The following CTNNA3 variants were observed in gnomAD, a reference collection of about 807,000 sequenced individuals.
CTNNA3 encodes the protein catenin alpha-3.
Under a neutral mutation model 95.7 loss-of-function variants are expected in CTNNA3, and 76 were observed. The ratio of observed to expected loss-of-function variants is 0.79; its 90% CI spans 0.66 to 0.96. The LOEUF (loss-of-function observed/expected upper bound fraction) is 0.96, where lower values mean the gene tolerates loss of function less well. CTNNA3 is among the 40% of genes least tolerant of loss of function. The pLI is 0.00. For missense variants in CTNNA3, 1,191 were observed against 1,089.8 expected (o/e 1.09, Z -1.31); for synonymous variants, 431 against 374.4 (o/e 1.15, Z -1.74).
chr10:66,585,515 G>A (rs1053570779), intron 10 of CTNNA3, among the ~76,000 whole-genome samples: 18 of 151,618 alleles, frequency 1.2e-4, no homozygotes, highest in African/African-American at 3.6e-4. Context: ...TGTAGTTGCC[G>A]AAATGTGTAG....
At position 67,656,130 on chromosome 10, in the gene CTNNA3, T is replaced by C. The variant is rs117534800; in HGVS notation, c.-5-8612A>G. ...CCAAGCCCCACCTCCATGTTTCCAG[T>C]GCAATAATTTGCTGGTATGTTTGGC... On this transcript the variant is annotated intron_variant, in intron 1 of 17. Transcript: ENST00000433211. 1.3e-4 allele frequency among the ~76,000 whole-genome samples: 20 copies of C among 152,320 alleles called. No homozygotes were observed. In the East Asian group the frequency reaches 3.7e-3, roughly 28 times the overall value.
intron 10 of CTNNA3, among the ~76,000 whole-genome samples, chr10:66,556,427 C>T (rs916262725): frequency 6.6e-6 from 1 of 152,008 alleles, no homozygotes; most frequent in African/African-American, 2.4e-5. Context: ...TTTATTGCAA[C>T]TTTATTCACA....
At chr10:66,550,074 C>A (rs1031179378) in intron 10 of CTNNA3, among the ~76,000 whole-genome samples, 7 of 152,072 alleles carry the variant, frequency 4.6e-5, no homozygotes, top group African/African-American at 1.2e-4. Flanking sequence ...AATTGTCTAT[C>A]TCTTAAATTC....
At chr10:66,817,726 A>T (rs2132281744) in intron 7 of CTNNA3, among the ~76,000 whole-genome samples, 1 of 152,146 alleles carries the variant, frequency 6.6e-6, no homozygotes, top group Admixed American at 6.5e-5. Flanking sequence ...ATATTCAAAA[A>T]ATTAATACTA....
intron 7 of CTNNA3, among the ~76,000 whole-genome samples, chr10:67,163,694 C>A (rs1005548178): frequency 1.3e-5 from 2 of 151,854 alleles, no homozygotes; most frequent in Non-Finnish European, 2.9e-5. Flanking sequence ...TTCCTACTAT[C>A]TATACATGAC....
intron 12 of CTNNA3, among the ~76,000 whole-genome samples, chr10:66,298,522 C>A (rs1251229881): frequency 2.0e-5 from 3 of 152,000 alleles, no homozygotes; most frequent in African/African-American, 7.2e-5. Flanking sequence ...AAGAGAGTTA[C>A]AGTGGTTATA....
intron 3 of CTNNA3, among the ~76,000 whole-genome samples, chr10:67,545,154 T>C (rs963110611): frequency 6.6e-6 from 1 of 152,190 alleles, no homozygotes. Flanking sequence ...ATGTGCCATG[T>C]TGGTAAAATT....
At position 67,438,949 on chromosome 10, in the gene CTNNA3, C is replaced by G. The variant is rs543186846; in HGVS notation, c.579+82893G>C. On this transcript the variant is annotated intron_variant, in intron 5 of 17. Coordinates refer to ENST00000433211, the MANE Select transcript of CTNNA3 (RefSeq NM_013266.4). ...AACATCACCACTGCGGGCCAGAGAGCTCTGGGGTCCTTGGTAAGCTTTAAA... is the reference window on the plus strand; with the variant it reads ...AACATCACCACTGCGGGCCAGAGAGGTCTGGGGTCCTTGGTAAGCTTTAAA... Among the ~76,000 whole-genome samples the G allele has an allele frequency of 5.3e-5, 8 of 152,266 alleles. No individual in the cohort carries two copies. The South Asian group carries it at 1.7e-3, about 32-fold the overall frequency.
chr10:67,670,987 G>A (rs554265423), intron 1 of CTNNA3, among the ~76,000 whole-genome samples: 1 of 151,986 alleles, frequency 6.6e-6, no homozygotes, highest in South Asian at 2.1e-4. Context: ...TTGTTTGTTT[G>A]TTTGTTTTTT....
At chr10:66,593,657 T>G (rs757387332) in intron 10 of CTNNA3, among the ~76,000 whole-genome samples, 2 of 152,084 alleles carry the variant, frequency 1.3e-5, no homozygotes, top group Non-Finnish European at 2.9e-5. Context: ...TGAATCAAAG[T>G]GTTTTTATTA....
chr10:67,114,349 G>C (rs1859064067), intron 7 of CTNNA3, among the ~76,000 whole-genome samples: 1 of 152,094 alleles, frequency 6.6e-6, no homozygotes, highest in African/African-American at 2.4e-5. Flanking sequence ...TCTGTTCAAA[G>C]AGTAAAATGG....
intron 5 of CTNNA3, among the ~76,000 whole-genome samples, chr10:67,311,674 T>A (rs187565379): frequency 1.8e-3 from 281 of 152,228 alleles, no homozygotes; most frequent in Non-Finnish European, 3.1e-3. Context: ...TAAAGCACAC[T>A]CACAGACATA....
At chr10:66,743,939 G>A (rs912376927) in intron 9 of CTNNA3, among the ~76,000 whole-genome samples, 7 of 122,120 alleles carry the variant, frequency 5.7e-5, no homozygotes, top group Non-Finnish European at 1.1e-4. Flanking sequence ...TAGTGCCACT[G>A]CACTCCAGCC....
chr10:67,736,530 A>C (rs950657594), intron 1 of CTNNA3, among the ~76,000 whole-genome samples: 5 of 141,442 alleles, frequency 3.5e-5, no homozygotes, highest in Non-Finnish European at 7.5e-5. Flanking sequence ...TTCTCGGCTG[A>C]CTGCAATCTC....
chr10:67,186,305 C>A (rs1191313901), intron 6 of CTNNA3, among the ~76,000 whole-genome samples: 1 of 152,168 alleles, frequency 6.6e-6, no homozygotes, highest in Non-Finnish European at 1.5e-5. Context: ...GCTGTGATTT[C>A]ATGTTAGTAA....
In CTNNA3 at chr10:67,670,095, A is replaced by G. The variant is rs529929963; in HGVS notation, c.-5-22577T>C. Reference sequence around the variant, plus strand: ...AAACACAAACAAATGACACTAAGAAAAAATAGAAACCTCTGTGTCTTGTTC... The same window carrying G: ...AAACACAAACAAATGACACTAAGAAGAAATAGAAACCTCTGTGTCTTGTTC... On this transcript the variant is annotated intron_variant, in intron 1 of 17. Transcript: ENST00000433211. 3.2e-4 allele frequency among the ~76,000 whole-genome samples: 48 copies of G among 152,360 alleles called. No individual in the cohort carries two copies. In the South Asian group the frequency reaches 3.3e-3, roughly 11 times the overall value.
At chr10:66,075,050 C>T (rs1214033611) in intron 14 of CTNNA3, among the ~76,000 whole-genome samples, 3 of 151,934 alleles carry the variant, frequency 2.0e-5, no homozygotes, top group African/African-American at 7.2e-5. Flanking sequence ...ATCTTAGATT[C>T]ATTTCTCTTA....
intron 9 of CTNNA3, among the ~76,000 whole-genome samples, chr10:66,725,412 G>A (rs1385150281): frequency 6.6e-6 from 1 of 152,058 alleles, no homozygotes; most frequent in African/African-American, 2.4e-5. Flanking sequence ...ATGTGGGGAA[G>A]AAAAAATTAA....
At chr10:67,320,479 AT>A (rs569459420) in intron 5 of CTNNA3, among the ~76,000 whole-genome samples, 11 of 152,200 alleles carry the variant, frequency 7.2e-5, no homozygotes, top group Non-Finnish European at 1.3e-4. Flanking sequence ...ATTTTAAAAT[AT>A]TTAATCTTTT....
Sources: gnomAD v4.1 joint callset for allele counts (sites outside exome capture counted in the v4.1 genomes callset) on GRCh38, gnomAD v4.1.1 for gene constraint, MANE v1.5 for transcripts, NCBI Gene and HGNC (gene_info 2026-07-23, HGNC 2026-07-21) for gene names.